The following SBF2 variants were observed in gnomAD, a reference collection of about 807,000 sequenced individuals.
SBF2 encodes myotubularin-related protein 13.
A neutral mutation model predicts 225.2 loss-of-function variants in SBF2; 112 were observed. That is an observed-to-expected ratio of 0.50 (90% CI 0.43 to 0.58). The LOEUF is 0.58. Among genes scored for constraint, SBF2 ranks in the 20% least tolerant of loss-of-function variants. The pLI is 0.00. For synonymous variants in SBF2, 763 were observed against 773.3 expected, an observed-to-expected ratio of 0.99 and a Z score of 0.22; for missense variants, 1,996 against 2,206.2, an observed-to-expected ratio of 0.90 and a Z score of 1.91.
At chr11:10,057,457 T>C (rs56275118) in intron 2 of SBF2, among the ~76,000 whole-genome samples, 8,190 of 152,122 alleles carry the variant, frequency 0.054, 300 homozygotes, top group Middle Eastern at 0.15. Context: ...CTCCCATGGG[T>C]CCCACAAACC....
intron 2 of SBF2, among the ~76,000 whole-genome samples, chr11:10,051,855 A>C (rs1950077796): frequency 6.6e-6 from 1 of 152,144 alleles, no homozygotes. Context: ...GGAGTATCAG[A>C]ATACAAACTC....
intron 2 of SBF2, among the ~76,000 whole-genome samples, chr11:10,182,719 A>G (rs1227453590): frequency 6.6e-6 from 1 of 151,398 alleles, no homozygotes; most frequent in Non-Finnish European, 1.5e-5. Context: ...ATGTCCAGCT[A>G]ATTTTTCTAT....
chr11:9,889,964 C>T (rs560231498), intron 17 of SBF2, among the ~76,000 whole-genome samples: 92 of 152,186 alleles, frequency 6.0e-4, no homozygotes, highest in African/African-American at 2.1e-3. Context: ...AGTGCAATGG[C>T]GTAATCTCGG....
intron 2 of SBF2, among the ~76,000 whole-genome samples, chr11:10,138,417 T>A (rs1954486722): frequency 1.3e-5 from 2 of 152,210 alleles, no homozygotes; most frequent in Admixed American, 1.3e-4. Flanking sequence ...AAGAGCCAAC[T>A]GTGTGTTTCA....
At chr11:10,011,296 G>A (rs1434762201) in intron 6 of SBF2, among the ~76,000 whole-genome samples, 1 of 152,006 alleles carries the variant, frequency 6.6e-6, no homozygotes, top group South Asian at 2.1e-4. Flanking sequence ...GTGCGATCTT[G>A]GCTCACTGCA....
chr11:9,910,399 A>G (rs1289020690), intron 16 of SBF2, among the ~76,000 whole-genome samples: 1 of 152,230 alleles, frequency 6.6e-6, no homozygotes, highest in African/African-American at 2.4e-5. Flanking sequence ...ATAATAAATG[A>G]GTATGTTACT....
intron 16 of SBF2, among the ~76,000 whole-genome samples, chr11:9,942,903 GAAAGAAAGAAAGAAAGAAAGAA>G (rs1261166631): frequency 3.6e-5 from 5 of 139,790 alleles, no homozygotes; most frequent in African/African-American, 8.3e-5. Flanking sequence ...GAGAGAGAGA[GAAAGAAAGAAAGAAAGAAAGAA>G]AGAAAGAAAG....
chr11:9,780,209 C>G lies in SBF2; in HGVS notation c.*209G>C. ...TGTTAGAAAAATTTAGTGCAAGATA[C>G]AGGGAGTGCATGGGGCTGTTGACCA... On this transcript the variant is annotated 3_prime_UTR_variant, in exon 40 of 40. Transcript: ENST00000256190. The G allele has an allele frequency of 1.7e-6, 1 of 600,644 alleles. No homozygotes were observed. The highest frequency in any genetic ancestry group is 3.0e-6 in the Non-Finnish European group (1 of 330,216). 37.2% of individuals were successfully genotyped at this position (600,644 alleles called of 1,614,324 possible). A position where few individuals can be genotyped will look rare whatever the true frequency, so the allele number is the denominator to read the frequency against.
At chr11:9,877,728 A>T (rs1270341416) in intron 17 of SBF2, among the ~76,000 whole-genome samples, 1 of 152,156 alleles carries the variant, frequency 6.6e-6, no homozygotes, top group African/African-American at 2.4e-5. Flanking sequence ...ACATGAACGC[A>T]TCCTTTTTTA....
intron 2 of SBF2, among the ~76,000 whole-genome samples, chr11:10,163,477 C>G (rs1248863559): frequency 1.3e-5 from 2 of 152,036 alleles, no homozygotes; most frequent in Non-Finnish European, 2.9e-5. Context: ...AAAACATACC[C>G]TAATAATGAC....
In SBF2 at chr11:9,830,760, AAAAAC is replaced by A. The variant is rs1445102401; in HGVS notation, c.3653-1269_3653-1265del. Among the ~76,000 whole-genome samples, 410 of 149,168 alleles carry A rather than the reference AAAAAC, an allele frequency of 2.7e-3. 1 individual carries two copies. Among genetic ancestry groups the A allele is most frequent in the Admixed American group, 6.6e-3 (99 of 14,992 alleles). ...AGCTCAAAAACAAAAAAAAAAAAACAAAAACAAAACAAAACAAAAAACAAAAAACA... is the reference window on the plus strand; with the variant it reads ...AGCTCAAAAACAAAAAAAAAAAAACAAAAACAAAACAAAAAACAAAAAACA... On this transcript the variant is annotated intron_variant, in intron 27 of 39. Coordinates refer to ENST00000256190, the MANE Select transcript of SBF2 (RefSeq NM_030962.4).
intron 2 of SBF2, among the ~76,000 whole-genome samples, chr11:10,118,837 T>C (rs558035191): frequency 1.3e-5 from 2 of 151,966 alleles, no homozygotes; most frequent in East Asian, 3.9e-4. Flanking sequence ...TATCTCTAAA[T>C]TACCTAAGGT....
chr11:10,065,686 G>A (rs999558244), intron 2 of SBF2, among the ~76,000 whole-genome samples: 4 of 152,058 alleles, frequency 2.6e-5, no homozygotes, highest in Admixed American at 1.3e-4. Flanking sequence ...GCACAGTGAC[G>A]CACGCCTGTA....
In SBF2 at chr11:10,042,941, T is replaced by G; in HGVS notation, c.182A>C (p.Lys61Thr). The G allele has an allele frequency of 6.2e-7, 1 of 1,614,000 alleles. No individual in the cohort carries two copies. Among genetic ancestry groups the G allele is most frequent in the Non-Finnish European group, 8.5e-7 (1 of 1,179,888 alleles). Residue 61 changes from lysine to threonine, a missense_variant, in exon 3 of 40, where the codon AAG becomes ACG. Lys to Thr is a moderately conservative substitution (Grantham distance 78). Transcript: ENST00000256190. ...GACAACCACAAAGAACGTTGGCTGC[T>G]TCCTCTCTCTGGACAGCTGCCACCC... ...PGGWQLSRER[K>T]QPTFFVVVLT... is the part of the protein sequence containing the mutation.
intron 2 of SBF2, among the ~76,000 whole-genome samples, chr11:10,184,700 T>A (rs572593040): frequency 1.3e-5 from 2 of 152,190 alleles, no homozygotes; most frequent in African/African-American, 4.8e-5. Context: ...ATTAGTGAAA[T>A]CACACAGTAT....
intron 26 of SBF2, among the ~76,000 whole-genome samples, chr11:9,837,028 T>C (rs1191643170): frequency 6.6e-6 from 1 of 152,198 alleles, no homozygotes; most frequent in African/African-American, 2.4e-5. Flanking sequence ...TTTGGTCATC[T>C]GTGAGTAATG....
At chr11:9,938,088 G>A (rs936390183) in intron 16 of SBF2, among the ~76,000 whole-genome samples, 14 of 152,018 alleles carry the variant, frequency 9.2e-5, no homozygotes, top group East Asian at 5.8e-4. Flanking sequence ...TCAGGAGATC[G>A]AGACCATCCT....
At chr11:10,267,400 G>C (rs1962099917) in intron 1 of SBF2, among the ~76,000 whole-genome samples, 1 of 151,976 alleles carries the variant, frequency 6.6e-6, no homozygotes, top group Non-Finnish European at 1.5e-5. Context: ...GAACTGATAA[G>C]GGCCTAAACT....
At chr11:9,828,633 C>A (rs1855203805) in intron 28 of SBF2, 5 of 985,334 alleles carry the variant, frequency 5.1e-6, no homozygotes, top group Non-Finnish European at 6.0e-6. Flanking sequence ...CACATGATAA[C>A]TGAAACAGAA....
Sources: allele counts gnomAD v4.1 joint callset (sites outside exome capture counted in the v4.1 genomes callset), GRCh38; gene constraint gnomAD v4.1.1; transcripts MANE v1.5; gene names NCBI Gene and HGNC (gene_info 2026-07-23, HGNC 2026-07-21).